The following CHRM5 variants were observed in gnomAD, a reference collection of about 807,000 sequenced individuals.
CHRM5 encodes the protein muscarinic acetylcholine receptor M5.
A neutral mutation model predicts 39.0 loss-of-function variants in CHRM5; 18 were observed. That is an observed-to-expected ratio of 0.46 (90% CI 0.32 to 0.68). The LOEUF is 0.68. Among genes scored for constraint, CHRM5 ranks in the 30% least tolerant of loss-of-function variants. CHRM5 has a pLI of 0.04. For synonymous variants in CHRM5, 241 were observed against 246.3 expected (o/e 0.98, Z 0.20); for missense variants, 515 against 651.1 (o/e 0.79, Z 2.28).
At chr15:34,010,178 A>T (rs1897576278) in intron 1 of CHRM5, among the ~76,000 whole-genome samples, 2 of 152,176 alleles carry the variant, frequency 1.3e-5, no homozygotes, top group South Asian at 4.1e-4. Flanking sequence ...AAAAAGATTT[A>T]CTTACTGAAG....
In CHRM5 at chr15:33,996,274, CAG is replaced by C. The variant is rs1306752295; in HGVS notation, c.-408+27126_-408+27127del. ...CAGGGCATAGCTGGACAAACGGCAG[CAG>C]AAACTTCTGCAGACTTAAACGTCCC... On this transcript the variant is annotated intron_variant, in intron 1 of 2. Transcript: ENST00000383263. 7.2e-5 allele frequency among the ~76,000 whole-genome samples: 11 copies of C among 152,234 alleles called. No homozygotes were observed. In the East Asian group the frequency reaches 2.1e-3, roughly 29 times the overall value.
In CHRM5 at chr15:34,063,274, A is replaced by G; in HGVS notation, c.557A>G (p.Gln186Arg). 1.9e-6 allele frequency: 3 copies of G among 1,614,120 alleles called. No individual in the cohort carries two copies. Among genetic ancestry groups the G allele is most frequent in the Non-Finnish European group, 2.5e-6 (3 of 1,180,032 alleles). Residue 186 changes from glutamine (Q) to arginine (R), a missense_variant, in exon 3 of 3, where the codon CAG (glutamine) becomes CGG (arginine). Gln to Arg is a conservative substitution (Grantham distance 43). Coordinates refer to ENST00000383263, the MANE Select transcript of CHRM5 (RefSeq NM_012125.4). This position sits in a 1 kb window ranked among gnomAD's most constrained non-coding sequence, Gnocchi z 4.1. ...GTTCCACTGGATGAGTGCCAGATCCAGTTTCTCTCTGAGCCCACCATCACT... is the reference window on the plus strand; with the variant it reads ...GTTCCACTGGATGAGTGCCAGATCCGGTTTCTCTCTGAGCCCACCATCACT... ...RTVPLDECQIQFLSEPTITFG... is the reference protein window; with the variant it reads ...RTVPLDECQIRFLSEPTITFG...
intron 1 of CHRM5, among the ~76,000 whole-genome samples, chr15:34,035,482 G>A (rs917649761): frequency 2.4e-4 from 36 of 152,076 alleles, no homozygotes; most frequent in African/African-American, 7.7e-4. Context: ...AGCAGCAGTC[G>A]AAAGAACAGG....
chr15:34,000,023 C>T (rs644585), intron 1 of CHRM5, among the ~76,000 whole-genome samples: 75,303 of 151,998 alleles, frequency 0.5, 21,159 homozygotes, highest in Non-Finnish European at 0.63. Context: ...GCCTTCCTTG[C>T]GATTCCCTAT....
rs748139020 is a variant in CHRM5, at chr15:34,063,439, A to G, written c.722A>G (p.Lys241Arg). ...TCTGACTCTGTGACCAAAGCTGAGA[A>G]GAGAAAGCCAGCTCATAGGGCTCTG... ...QGSDSVTKAE[K>R]RKPAHRALFR... The change falls in exon 3 of 3, where the codon AAG becomes AGG. Residue 241 changes from lysine to arginine, a missense_variant. Coordinates refer to ENST00000383263, the MANE Select transcript of CHRM5 (RefSeq NM_012125.4). The surrounding 1 kb of genome is among the most constrained non-coding windows in gnomAD (Gnocchi z 4.1). The G allele has an allele frequency of 1.1e-4, 181 of 1,613,812 alleles. No homozygotes were observed. Among genetic ancestry groups the G allele is most frequent in the Non-Finnish European group, 1.5e-4 (175 of 1,180,044 alleles).
At chr15:33,992,346 C>A (rs911991432) in intron 1 of CHRM5, among the ~76,000 whole-genome samples, 6 of 152,016 alleles carry the variant, frequency 3.9e-5, no homozygotes, top group Non-Finnish European at 8.8e-5. Context: ...GCCGAGATTG[C>A]GCCACTGCAC....
Position 34,009,157 on chromosome 15 carries a change from A to C in CHRM5, c.-407-37383A>C, listed in dbSNP as rs190703816. On this transcript the variant is annotated intron_variant, in intron 1 of 2. Coordinates refer to ENST00000383263, the MANE Select transcript of CHRM5 (RefSeq NM_012125.4). Reference sequence around the variant, plus strand: ...ACTGTCAGCCAAGAATCCTACATACAAAAAAGCTATCTTTCAAAAGTGAGG... The same window carrying C: ...ACTGTCAGCCAAGAATCCTACATACCAAAAAGCTATCTTTCAAAAGTGAGG... Among the ~76,000 whole-genome samples, 26 of 152,286 alleles carry C rather than the reference A, an allele frequency of 1.7e-4. No homozygotes were observed. The East Asian group carries it at 4.6e-3, about 27-fold the overall frequency.
intron 1 of CHRM5, among the ~76,000 whole-genome samples, chr15:34,021,132 T>C (rs1023988024): frequency 7.9e-5 from 12 of 152,200 alleles, no homozygotes; most frequent in African/African-American, 2.9e-4. Context: ...ATAAAATGCC[T>C]ATCTTTTCTC....
In CHRM5 at chr15:34,063,250, T is replaced by A. The variant is rs766804444; in HGVS notation, c.533T>A (p.Val178Asp). The A allele has an allele frequency of 1.7e-5, 28 of 1,614,142 alleles. No homozygotes were observed. In the South Asian group the frequency reaches 2.9e-4, roughly 16 times the overall value. The change falls in exon 3 of 3, where the codon GTT becomes GAT. Residue 178 changes from valine to aspartate, a missense_variant. By Grantham distance (152) the Val-to-Asp change is radical. Coordinates refer to ENST00000383263, the MANE Select transcript of CHRM5 (RefSeq NM_012125.4). The surrounding 1 kb of genome is among the most constrained non-coding windows in gnomAD (Gnocchi z 4.1). ...CWQYLVGKRT[V>D]PLDECQIQFL... is the part of the protein sequence containing the mutation. ...CAGTACTTGGTTGGGAAGCGGACAG[T>A]TCCACTGGATGAGTGCCAGATCCAG...
At position 34,058,453 on chromosome 15, in the gene CHRM5, ATTTG is replaced by A. The variant is rs1900230529; in HGVS notation, c.-75-4189_-75-4186del. Reference sequence around the variant, plus strand: ...GTCAACAAACCTAAACTAAGTTGTTATTTGACCTGAGAAATCAGGAGAGAGAGAG... The same window carrying A: ...GTCAACAAACCTAAACTAAGTTGTTAACCTGAGAAATCAGGAGAGAGAGAG... On this transcript the variant is annotated intron_variant, in intron 2 of 2. Coordinates refer to ENST00000383263, the MANE Select transcript of CHRM5 (RefSeq NM_012125.4). 1.3e-5 allele frequency among the ~76,000 whole-genome samples: 2 copies of A among 152,016 alleles called. 1 individual carries two copies. The highest frequency in any genetic ancestry group is 4.2e-4 in the South Asian group (2 of 4,816).
intron 1 of CHRM5, among the ~76,000 whole-genome samples, chr15:34,016,397 T>C (rs1337155962): frequency 6.6e-6 from 1 of 152,206 alleles, no homozygotes; most frequent in African/African-American, 2.4e-5. Flanking sequence ...TGGGCTCGCA[T>C]GGGTACTGAC....
intron 1 of CHRM5, among the ~76,000 whole-genome samples, chr15:34,001,891 T>C (rs1004385779): frequency 2.6e-5 from 4 of 152,220 alleles, no homozygotes; most frequent in Non-Finnish European, 5.9e-5. Context: ...ATCAAAGTCA[T>C]GAGGAAGAAA....
At chr15:34,003,002 A>G (rs762432087) in intron 1 of CHRM5, 11 of 1,583,000 alleles carry the variant, frequency 6.9e-6, no homozygotes, top group Admixed American at 5.6e-5. Context: ...TCAGAGCACT[A>G]AACAGTATGC....
chr15:34,065,598 T>C lies in CHRM5; in HGVS notation c.*1282T>C, dbSNP rs943303282. 1.3e-5 allele frequency: 2 copies of C among 152,212 alleles called. No homozygotes were observed. Among genetic ancestry groups the C allele is most frequent in the African/African-American group, 2.4e-5 (1 of 41,444 alleles). The allele number at this position is 152,212 out of a possible 1,614,324, so 9.4% of individuals were successfully genotyped here. ...GAGGGTGCGATGAAGCTGAAAATGA[T>C]CTGAAAGCTTCATTTTTAAAAACAA... On this transcript the variant is annotated 3_prime_UTR_variant, in exon 3 of 3. Transcript: ENST00000383263.
intron 1 of CHRM5, among the ~76,000 whole-genome samples, chr15:34,005,010 C>T (rs1396381549): frequency 6.6e-6 from 1 of 151,996 alleles, no homozygotes; most frequent in Non-Finnish European, 1.5e-5. Context: ...AGAAGCAGGA[C>T]ATATGCACTG....
intron 1 of CHRM5, among the ~76,000 whole-genome samples, chr15:34,026,445 G>A (rs559536346): frequency 6.6e-6 from 1 of 152,222 alleles, no homozygotes; most frequent in South Asian, 2.1e-4. Flanking sequence ...GATGACAAGG[G>A]GAGATATGTT....
chr15:34,028,672 A>G (rs1476969858), intron 1 of CHRM5, among the ~76,000 whole-genome samples: 3 of 152,222 alleles, frequency 2.0e-5, no homozygotes, highest in South Asian at 2.1e-4. Context: ...ATCTAATGTC[A>G]GTCCTTACAA....
At chr15:33,987,370 G>C (rs1445640593) in intron 1 of CHRM5, among the ~76,000 whole-genome samples, 2 of 152,204 alleles carry the variant, frequency 1.3e-5, no homozygotes, top group Non-Finnish European at 2.9e-5. Flanking sequence ...AAGGGGAAGG[G>C]AAAGGGAAAG....
chr15:33,978,663 AAAATAAAT>A (rs1211263683), intron 1 of CHRM5, among the ~76,000 whole-genome samples: 2 of 151,962 alleles, frequency 1.3e-5, no homozygotes, highest in Non-Finnish European at 2.9e-5. Context: ...ACTCTGTTTC[AAAATAAAT>A]AAATAAATAA....
Sources: allele counts gnomAD v4.1 joint callset (sites outside exome capture counted in the v4.1 genomes callset), GRCh38; gene constraint gnomAD v4.1.1; non-coding constraint Gnocchi (gnomAD v3.1); transcripts MANE v1.5; gene names NCBI Gene and HGNC (gene_info 2026-07-23, HGNC 2026-07-21).